SEMA4D: variants seen among roughly 807,000 people sequenced by gnomAD.
SEMA4D encodes the protein semaphorin-4D.
In SEMA4D, 22 loss-of-function variants were observed where a neutral mutation model predicts 74.8. The ratio of observed to expected loss-of-function variants is 0.29; its 90% confidence interval spans 0.21 to 0.42. The LOEUF (loss-of-function observed/expected upper bound fraction) is 0.42, where lower values mean the gene tolerates loss of function less well. Among genes scored for constraint, SEMA4D ranks in the 10% least tolerant of loss-of-function variants. The probability of loss-of-function intolerance (pLI) is 1.00; values close to 1 mark genes in which losing one functional copy is unlikely to be tolerated. For missense variants in SEMA4D, 937 were observed against 1,118.4 expected, an observed-to-expected ratio of 0.84 and a Z score of 2.31; for synonymous variants, 445 against 463.7, an observed-to-expected ratio of 0.96 and a Z score of 0.52.
At chr9:89,367,564 A>G (rs1319665336) in intron 16 of SEMA4D, 1 of 152,272 alleles carries the variant, frequency 6.6e-6, no homozygotes, top group Non-Finnish European at 1.5e-5. Flanking sequence ...GCCAGGTGAC[A>G]CTGGTCGCGC....
chr9:89,362,455 C>T, intron 18 of SEMA4D: 2 of 1,613,990 alleles, frequency 1.2e-6, no homozygotes, highest in Non-Finnish European at 1.7e-6. Context: ...GTCTTTGAAT[C>T]CTTGGTGGAA....
In SEMA4D at chr9:89,386,445, G is replaced by A. The variant is rs779094970; in HGVS notation, c.1368C>T (p.His456=). ...GGGTCTCCTCGATGATGTGAACAGC[G>A]TGCTCGAGGCTGATGGCTTTGTGCA... ...GALHKAISLE[H]AVHIIEETQL... Residue 456 remains histidine (H), a synonymous_variant, in exon 13 of 16, where the codon CAC becomes CAT. Transcript: ENST00000422704. The A allele has an allele frequency of 5.0e-5, 81 of 1,613,956 alleles. No individual in the cohort carries two copies. The highest frequency in any genetic ancestry group is 2.4e-4 in the South Asian group (22 of 91,088).
chr9:89,386,928 C>A (rs894945238), intron 12 of SEMA4D, among the ~76,000 whole-genome samples: 9 of 137,850 alleles, frequency 6.5e-5, no homozygotes, highest in Admixed American at 1.6e-4. Flanking sequence ...CTCCTGGCCC[C>A]TGTCCCTGTT....
In SEMA4D at chr9:89,391,835, A is replaced by T. The variant is rs577167331; in HGVS notation, c.623-420T>A. On this transcript the variant is annotated intron_variant, in intron 8 of 15. Transcript: ENST00000422704. The stretch of plus-strand genomic sequence containing the variant: ...AACCACCAGATCCTGCCCCACCCTG[A>T]GGAATGGCCGACTGTCCCTGAATCT... 2.6e-4 allele frequency among the ~76,000 whole-genome samples: 39 copies of T among 152,356 alleles called. 1 individual carries two copies. In the East Asian group the frequency reaches 7.5e-3, roughly 29 times the overall value.
intron 1 of SEMA4D, among the ~76,000 whole-genome samples, chr9:89,493,553 A>G (rs1036648827): frequency 1.3e-5 from 2 of 152,224 alleles, no homozygotes; most frequent in African/African-American, 4.8e-5. Flanking sequence ...TGTCCTTCCA[A>G]ACAAAGTCAA....
rs150139332 is a variant in SEMA4D at position 89,402,598 on chromosome 9, G to C, written c.252+273C>G. On this transcript the variant is annotated intron_variant, in intron 4 of 15. Coordinates refer to ENST00000422704, the MANE Select transcript of SEMA4D (RefSeq NM_001371194.2). ...TAGGCAAGACTGAACACCCGGCCTT[G>C]CATAAGCTGCAGTGGGCACAGGGCT... Among the ~76,000 whole-genome samples, 21 of 152,086 alleles carry C rather than the reference G, an allele frequency of 1.4e-4. No homozygotes were observed. In the East Asian group the frequency reaches 4.1e-3, roughly 29 times the overall value.
chr9:89,460,650 G>A lies in SEMA4D; in HGVS notation c.-309-4697C>T, dbSNP rs73488265. On this transcript the variant is annotated intron_variant, in intron 1 of 15. Coordinates refer to ENST00000422704, the MANE Select transcript of SEMA4D (RefSeq NM_001371194.2). ...TGCTCATGAGACGGCTCAAGAATAT[G>A]TCAGAGATACCCCAGCCTCACATGC... Among the ~76,000 whole-genome samples the A allele has an allele frequency of 5.3e-3, 802 of 152,350 alleles. 9 individuals are homozygous for A. The highest frequency in any genetic ancestry group is 0.017 in the African/African-American group (726 of 41,570).
chr9:89,448,151 T>C (rs1479922141), intron 2 of SEMA4D, among the ~76,000 whole-genome samples: 2 of 152,138 alleles, frequency 1.3e-5, no homozygotes, highest in Admixed American at 6.5e-5. Flanking sequence ...ATTTTCTATA[T>C]TTTTATAGAG....
chr9:89,397,406 G>A (rs1190964144), intron 5 of SEMA4D, among the ~76,000 whole-genome samples: 2 of 152,110 alleles, frequency 1.3e-5, no homozygotes, highest in African/African-American at 4.8e-5. Flanking sequence ...TAGGAACAGC[G>A]ACACTAGGTC....
At chr9:89,377,089 GGAA>G (rs1564514519), downstream of SEMA4D, 1 of 1,504,116 alleles carries the variant, frequency 6.6e-7, no homozygotes, top group Admixed American at 2.1e-5. Flanking sequence ...AGGGCACTGA[GGAA>G]GAAGTCGCCA....
chr9:89,386,396 C>T lies in SEMA4D; in HGVS notation c.1417G>A (p.Val473Ile). 2 of 1,614,022 alleles carry T rather than the reference C, an allele frequency of 1.2e-6. No individual in the cohort carries two copies. The highest frequency in any genetic ancestry group is 1.7e-6 in the Non-Finnish European group (2 of 1,179,900). Residue 473 changes from valine to isoleucine, a missense_variant, in exon 13 of 16, where the codon GTC becomes ATC. Val to Ile is a conservative substitution (Grantham distance 29). Transcript: ENST00000422704. ...TTTGAAGACAGCAGCAGGGTCTGGA[C>T]TGGCTCAAAGTCCTGGAAGAGCTGG... ...ETQLFQDFEPVQTLLLSSKKG... is the reference protein window; with the variant it reads ...ETQLFQDFEPIQTLLLSSKKG...
chr9:89,391,404 C>G lies in SEMA4D; in HGVS notation c.634G>C (p.Val212Leu). Residue 212 changes from valine (V) to leucine (L), a missense_variant, in exon 9 of 16, where the codon GTG becomes CTG. Transcript: ENST00000422704. The stretch of plus-strand genomic sequence containing the variant: ...CTTTTTCGGATCACGTCAGCAAACA[C>G]GAAACTAGGCTCTGCAGAGAGAGGA... ...AIPWLNEPSF[V>L]FADVIRKSPD... The G allele has an allele frequency of 6.2e-7, 1 of 1,614,248 alleles. No homozygotes were observed. The highest frequency in any genetic ancestry group is 8.5e-7 in the Non-Finnish European group (1 of 1,180,052).
chr9:89,392,490 T>C lies in SEMA4D; in HGVS notation c.555A>G (p.Glu185=). ...SGTSYNFLGS[E]PIISRNSSHS... ...GGGAAGAATTTCGGGAGATGATGGG[T>C]TCACTTCCCAAAAAATTATACGACG... The change falls in exon 8 of 16, where the codon GAA becomes GAG. Residue 185 remains glutamate, a synonymous_variant. Transcript: ENST00000422704. 3.7e-6 allele frequency: 6 copies of C among 1,613,920 alleles called. No individual in the cohort carries two copies. The highest frequency in any genetic ancestry group is 5.1e-6 in the Non-Finnish European group (6 of 1,179,834).
At chr9:89,400,472 C>A (rs1179954556) in intron 4 of SEMA4D, among the ~76,000 whole-genome samples, 2 of 152,196 alleles carry the variant, frequency 1.3e-5, no homozygotes, top group Non-Finnish European at 2.9e-5. Context: ...GCACACAGGG[C>A]TTCTAGGAGG....
At chr9:89,417,064 C>T (rs1429476813) in intron 2 of SEMA4D, among the ~76,000 whole-genome samples, 1 of 152,136 alleles carries the variant, frequency 6.6e-6, no homozygotes, top group African/African-American at 2.4e-5. Context: ...TCTCTTACTG[C>T]TTAATACAGC....
Position 89,403,005 on chromosome 9 carries a change from C to T in SEMA4D, c.118G>A (p.Val40Met). ...TAGATGTCTGGCTCATGAAACTGCACCAGGTGCACCTCTGTGGGATGCAAG... is the reference window on the plus strand; with the variant it reads ...TAGATGTCTGGCTCATGAAACTGCATCAGGTGCACCTCTGTGGGATGCAAG... ...ITWEHREVHL[V>M]QFHEPDIYNY... Residue 40 changes from valine (V) to methionine (M), a missense_variant, in exon 4 of 16, where the codon GTG (valine) becomes ATG (methionine). Coordinates refer to ENST00000422704, the MANE Select transcript of SEMA4D (RefSeq NM_001371194.2). 6.2e-7 allele frequency: 1 copy of T among 1,610,400 alleles called. No homozygotes were observed. The highest frequency in any genetic ancestry group is 8.5e-7 in the Non-Finnish European group (1 of 1,176,800).
At chr9:89,391,650 G>T (rs74817758) in intron 8 of SEMA4D, among the ~76,000 whole-genome samples, 1 of 152,200 alleles carries the variant, frequency 6.6e-6, no homozygotes, top group Non-Finnish European at 1.5e-5. Context: ...AGGTGCCCCC[G>T]ACAGTGGTTC....
At position 89,378,699 on chromosome 9, in the gene SEMA4D, C is replaced by T. The variant is rs776280967; in HGVS notation, c.*5G>A. The stretch of plus-strand genomic sequence containing the variant: ...CGAGGCACCAGCGGGGATGCACAGC[C>T]GGCCTCAGTCTCCATCTGCGTCTGA... On this transcript the variant is annotated 3_prime_UTR_variant, in exon 16 of 16. Coordinates refer to ENST00000422704, the MANE Select transcript of SEMA4D (RefSeq NM_001371194.2). 7 of 1,610,384 alleles carry T rather than the reference C, an allele frequency of 4.3e-6. 1 individual carries two copies. The highest frequency in any genetic ancestry group is 3.3e-5 in the Admixed American group (2 of 59,970).
intron 1 of SEMA4D, among the ~76,000 whole-genome samples, chr9:89,468,047 A>G (rs1470034043): frequency 6.6e-6 from 1 of 152,156 alleles, no homozygotes; most frequent in Non-Finnish European, 1.5e-5. Context: ...TTGCGAGAAG[A>G]CACCGAAAGA....
Sources: gnomAD v4.1 joint callset for allele counts (sites outside exome capture counted in the v4.1 genomes callset) on GRCh38, gnomAD v4.1.1 for gene constraint, MANE v1.5 for transcripts, NCBI Gene and HGNC (gene_info 2026-07-23, HGNC 2026-07-21) for gene names.